The following CACNA2D1 variants were observed in gnomAD, a reference collection of about 807,000 sequenced individuals.
CACNA2D1 encodes voltage-dependent calcium channel subunit alpha-2/delta-1.
Under a neutral mutation model 171.5 loss-of-function variants are expected in CACNA2D1, and 53 were observed. The ratio of observed to expected loss-of-function variants is 0.31; its 90% CI spans 0.25 to 0.39. The LOEUF is 0.39. CACNA2D1 is among the 10% of genes least tolerant of loss of function. The pLI, the probability that CACNA2D1 is intolerant of heterozygous loss-of-function variation, is 1.00. For missense variants in CACNA2D1, 903 were observed against 1,299.8 expected (o/e 0.69, Z 4.69); for synonymous variants, 442 against 443.1 (o/e 1.00, Z 0.03).
chr7:82,073,728 G>T (rs764604947), intron 7 of CACNA2D1, among the ~76,000 whole-genome samples: 2 of 152,086 alleles, frequency 1.3e-5, no homozygotes, highest in Non-Finnish European at 2.9e-5. Flanking sequence ...AGCCTACCGA[G>T]TAGCTGGGAT....
Position 82,110,486 on chromosome 7 carries a change from AC to A in CACNA2D1, c.526+6557del, listed in dbSNP as rs550281042. Among the ~76,000 whole-genome samples, 433 of 152,300 alleles carry A rather than the reference AC, an allele frequency of 2.8e-3. 1 individual carries two copies. The highest frequency in any genetic ancestry group is 9.5e-3 in the African/African-American group (396 of 41,554). ...TAGCCTCCAAAACTGTAAGAAATAC[AC>A]GTCTGTTATTTTAGCCTATCTGTCT... On this transcript the variant is annotated intron_variant, in intron 6 of 38. Transcript: ENST00000356860.
chr7:82,380,551 C>T (rs1383657810), intron 1 of CACNA2D1, among the ~76,000 whole-genome samples: 1 of 152,002 alleles, frequency 6.6e-6, no homozygotes, highest in African/African-American at 2.4e-5. Flanking sequence ...GAAGGGCCTC[C>T]ATTCAATAAG....
At chr7:82,395,198 TAA>T (rs67927269) in intron 1 of CACNA2D1, among the ~76,000 whole-genome samples, 1 of 150,372 alleles carries the variant, frequency 6.7e-6, no homozygotes, top group Admixed American at 6.6e-5. Flanking sequence ...AACATCAAAT[TAA>T]AAAAAAAACA....
At chr7:82,242,956 T>C (rs1484732384) in intron 3 of CACNA2D1, among the ~76,000 whole-genome samples, 2 of 152,158 alleles carry the variant, frequency 1.3e-5, no homozygotes, top group African/African-American at 4.8e-5. Flanking sequence ...TGAAAGTTTA[T>C]CTTGTTTTAA....
chr7:81,950,834 T>G (rs557576553), intron 38 of CACNA2D1, among the ~76,000 whole-genome samples: 1 of 152,190 alleles, frequency 6.6e-6, no homozygotes, highest in South Asian at 2.1e-4. Flanking sequence ...TATTTATAAA[T>G]GCAAGAAATA....
chr7:82,252,889 GA>G (rs1015015302), intron 3 of CACNA2D1, among the ~76,000 whole-genome samples: 17 of 144,088 alleles, frequency 1.2e-4, no homozygotes, highest in South Asian at 2.2e-4. Context: ...GAATTCGTCA[GA>G]AAAAAAAAAA....
At chr7:82,184,696 T>A (rs1797484809) in intron 3 of CACNA2D1, among the ~76,000 whole-genome samples, 1 of 152,158 alleles carries the variant, frequency 6.6e-6, no homozygotes, top group Non-Finnish European at 1.5e-5. Context: ...TCTTTTCCTT[T>A]TTAAGAAAAA....
chr7:81,990,410 T>C (rs1281469213), intron 21 of CACNA2D1, among the ~76,000 whole-genome samples: 7 of 152,100 alleles, frequency 4.6e-5, no homozygotes, highest in Middle Eastern at 3.2e-3. Flanking sequence ...CAGTGAACTA[T>C]GTGAATGTAG....
Position 82,007,465 on chromosome 7 carries a change from T to G in CACNA2D1, c.1440+214A>C, listed in dbSNP as rs368798711. On this transcript the variant is annotated intron_variant, in intron 16 of 38. Transcript: ENST00000356860. ...CTCATCAGGTCATAGTTAAGTGGAGTTAAGTTGAATCTTGGCTCTAGGGCA... is the reference window on the plus strand; with the variant it reads ...CTCATCAGGTCATAGTTAAGTGGAGGTAAGTTGAATCTTGGCTCTAGGGCA... 2.6e-5 allele frequency among the ~76,000 whole-genome samples: 4 copies of G among 152,230 alleles called. No individual in the cohort carries two copies. The East Asian group carries it at 7.7e-4, about 29-fold the overall frequency.
intron 11 of CACNA2D1, among the ~76,000 whole-genome samples, chr7:82,035,290 G>A (rs187901921): frequency 1.9e-4 from 29 of 151,770 alleles, no homozygotes; most frequent in Non-Finnish European, 1.0e-4. Context: ...GGACTGATAT[G>A]TCTAATGCTA....
At chr7:82,348,570 G>C (rs1237258458) in intron 2 of CACNA2D1, among the ~76,000 whole-genome samples, 1 of 151,756 alleles carries the variant, frequency 6.6e-6, no homozygotes, top group Non-Finnish European at 1.5e-5. Context: ...CAGACACTTA[G>C]GTTTGTTCAA....
intron 5 of CACNA2D1, among the ~76,000 whole-genome samples, chr7:82,122,421 C>T (rs376422743): frequency 6.6e-6 from 1 of 152,112 alleles, no homozygotes; most frequent in East Asian, 1.9e-4. Flanking sequence ...TTTTAGTTTG[C>T]ATGATGAATA....
intron 3 of CACNA2D1, among the ~76,000 whole-genome samples, chr7:82,298,919 C>T (rs954345849): frequency 2.0e-5 from 3 of 151,758 alleles, no homozygotes; most frequent in Non-Finnish European, 4.4e-5. Flanking sequence ...ACAAATTGGC[C>T]GGGCGTGGTG....
At chr7:82,171,314 C>CT (rs34895394) in intron 3 of CACNA2D1, among the ~76,000 whole-genome samples, 1 of 151,970 alleles carries the variant, frequency 6.6e-6, no homozygotes, top group African/African-American at 2.4e-5. Context: ...TTTTTATAAA[C>CT]TTTTTTTTCC....
At chr7:82,159,986 TAA>T (rs1169834920) in intron 4 of CACNA2D1, among the ~76,000 whole-genome samples, 1 of 151,034 alleles carries the variant, frequency 6.6e-6, no homozygotes, top group Non-Finnish European at 1.5e-5. Flanking sequence ...AACTTTAATA[TAA>T]AGACACCAAA....
intron 1 of CACNA2D1, among the ~76,000 whole-genome samples, chr7:82,426,507 T>C (rs1415586642): frequency 2.0e-5 from 3 of 152,204 alleles, no homozygotes; most frequent in Non-Finnish European, 4.4e-5. Context: ...CTGAAAATAT[T>C]TCATAATATA....
At chr7:82,347,764 A>G (rs1474986828) in intron 2 of CACNA2D1, among the ~76,000 whole-genome samples, 3 of 152,012 alleles carry the variant, frequency 2.0e-5, no homozygotes, top group Non-Finnish European at 4.4e-5. Context: ...CTGTGACCGT[A>G]ATGAGGTATG....
chr7:82,053,479 T>C (rs1805460052), intron 10 of CACNA2D1, among the ~76,000 whole-genome samples: 1 of 151,966 alleles, frequency 6.6e-6, no homozygotes, highest in African/African-American at 2.4e-5. Context: ...TAAACAAAAG[T>C]GTACAGTTAA....
At chr7:82,150,272 A>AAT (rs1793687907) in intron 4 of CACNA2D1, among the ~76,000 whole-genome samples, 1 of 87,816 alleles carries the variant, frequency 1.1e-5, no homozygotes, top group Non-Finnish European at 2.1e-5. Context: ...AAAAAAAACA[A>AAT]AAACAACAAC....
Sources: gnomAD v4.1 joint callset for allele counts (sites outside exome capture counted in the v4.1 genomes callset) on GRCh38, gnomAD v4.1.1 for gene constraint, MANE v1.5 for transcripts, NCBI Gene and HGNC (gene_info 2026-07-23, HGNC 2026-07-21) for gene names.